The following MICAL2 variants were observed in gnomAD, a reference collection of about 807,000 sequenced individuals.
MICAL2 encodes the protein [F-actin]-monooxygenase MICAL2.
A neutral mutation model predicts 127.3 loss-of-function variants in MICAL2; 77 were observed. The observed-to-expected ratio is 0.60, with a 90% CI of 0.50 to 0.73. The LOEUF (loss-of-function observed/expected upper bound fraction) is 0.73. MICAL2 is among the 30% of genes least tolerant of loss of function. The pLI, the probability that MICAL2 is intolerant of heterozygous loss-of-function variation, is 0.00. For synonymous variants in MICAL2, 570 were observed against 551.1 expected (o/e 1.03, Z -0.48); for missense variants, 1,351 against 1,434.4 (o/e 0.94, Z 0.94).
At chr11:12,199,067 A>G (rs560866639) in intron 3 of MICAL2, among the ~76,000 whole-genome samples, 10 of 152,290 alleles carry the variant, frequency 6.6e-5, no homozygotes, top group African/African-American at 2.4e-4. Flanking sequence ...CTTTAGACCA[A>G]TAGTACCTGG....
At chr11:12,322,167 A>G (rs1350411846) in intron 30 of MICAL2, among the ~76,000 whole-genome samples, 1 of 152,174 alleles carries the variant, frequency 6.6e-6, no homozygotes, top group African/African-American at 2.4e-5. Flanking sequence ...GGCATATAGC[A>G]TTTGGTAAAT....
intron 33 of MICAL2, among the ~76,000 whole-genome samples, chr11:12,350,572 C>G (rs543898768): frequency 6.6e-6 from 1 of 152,188 alleles, no homozygotes; most frequent in South Asian, 2.1e-4. Context: ...TTGCCCCAAC[C>G]CCAGGAAGTA....
Position 12,162,173 on chromosome 11 carries a change from T to C in MICAL2, c.18T>C (p.Asp6=), listed in dbSNP as rs1433542576. 6.2e-7 allele frequency: 1 copy of C among 1,614,132 alleles called. No homozygotes were observed. Among genetic ancestry groups the C allele is most frequent in the East Asian group, 2.2e-5 (1 of 44,866 alleles). ...CCTGAACCATGGGGGAAAACGAGGA[T>C]GAGAAGCAGGCCCAGGCGGGGCAGG... MGENE[D]EKQAQAGQVF... The change falls in exon 3 of 28, where the codon GAT becomes GAC. Residue 6 remains aspartate, a synonymous_variant. Transcript: ENST00000683283.
chr11:12,174,596 T>G (rs901696961), intron 3 of MICAL2, among the ~76,000 whole-genome samples: 1 of 147,614 alleles, frequency 6.8e-6, no homozygotes, highest in Admixed American at 6.8e-5. Flanking sequence ...GGAACCCTTG[T>G]TTTTTTTTTT....
intron 21 of MICAL2, 53 bp from the exon 22 acceptor site, chr11:12,249,131 C>A: frequency 6.2e-7 from 1 of 1,608,296 alleles, no homozygotes; most frequent in Non-Finnish European, 8.5e-7. Context: ...GAAGAGAATT[C>A]GGAAAGAAAG....
Position 12,162,065 on chromosome 11 carries a change from C to T in MICAL2, c.-77-14C>T. ...TCGTCCAAAGCTGACCTCTGCCTCC[C>T]CCTACTTTCACAGGTGTGACGTTTC... On this transcript the variant is annotated splice_polypyrimidine_tract_variant and intron_variant, in intron 2 of 27. Coordinates refer to ENST00000683283, the MANE Select transcript of MICAL2 (RefSeq NM_001282663.2). 5 of 1,567,664 alleles carry T rather than the reference C, an allele frequency of 3.2e-6. No individual in the cohort carries two copies. Among genetic ancestry groups the T allele is most frequent in the South Asian group, 1.2e-5 (1 of 84,072 alleles).
intron 23 of MICAL2, chr11:12,256,566 G>A (rs567399629): frequency 1.1e-5 from 5 of 453,748 alleles, no homozygotes; most frequent in African/African-American, 1.0e-4. Context: ...GTTGTCTCGG[G>A]CCTGTCTGGG....
chr11:12,159,381 C>T (rs1854531401), intron 2 of MICAL2, among the ~76,000 whole-genome samples: 1 of 152,242 alleles, frequency 6.6e-6, no homozygotes, highest in Non-Finnish European at 1.5e-5. Context: ...TAAACTGGTA[C>T]ATTTCCCCAG....
At chr11:12,222,325 G>T (rs898049520) in intron 10 of MICAL2, among the ~76,000 whole-genome samples, 1 of 152,200 alleles carries the variant, frequency 6.6e-6, no homozygotes, top group African/African-American at 2.4e-5. Context: ...GGCTGAACAT[G>T]GTTATGGCAA....
intron 3 of MICAL2, among the ~76,000 whole-genome samples, chr11:12,168,375 CAT>C (rs1160420311): frequency 1.3e-5 from 2 of 151,600 alleles, no homozygotes; most frequent in African/African-American, 4.8e-5. Context: ...CATACACACA[CAT>C]ACTACACACA....
At chr11:12,247,386 T>C (rs563614569) in intron 21 of MICAL2, among the ~76,000 whole-genome samples, 1 of 152,314 alleles carries the variant, frequency 6.6e-6, no homozygotes, top group East Asian at 1.9e-4. Flanking sequence ...GATGATGTAA[T>C]TGGGCTATTT....
chr11:12,270,972 G>T (rs1863668273), intron 24 of MICAL2, among the ~76,000 whole-genome samples: 1 of 152,168 alleles, frequency 6.6e-6, no homozygotes, highest in East Asian at 1.9e-4. Context: ...CTGCGGCAGG[G>T]GTCTGGCCAG....
At chr11:12,283,462 C>T (rs1010692214) in intron 2 of MICAL2, among the ~76,000 whole-genome samples, 7 of 151,576 alleles carry the variant, frequency 4.6e-5, no homozygotes, top group Admixed American at 6.6e-5. Flanking sequence ...ATAAACAAAA[C>T]GCAGTATATC....
chr11:12,171,905 A>AT (rs1315556150), intron 3 of MICAL2, among the ~76,000 whole-genome samples: 1 of 152,354 alleles, frequency 6.6e-6, no homozygotes, highest in Non-Finnish European at 1.5e-5. Flanking sequence ...TATCCACACT[A>AT]TTTCAACATG....
intron 33 of MICAL2, among the ~76,000 whole-genome samples, chr11:12,351,545 G>A (rs546245286): frequency 6.6e-6 from 1 of 152,274 alleles, no homozygotes; most frequent in African/African-American, 2.4e-5. Context: ...TAGAACTATG[G>A]CAAGGCTTAT....
intron 29 of MICAL2, among the ~76,000 whole-genome samples, chr11:12,313,983 T>TTTTTTTTTA (rs1555020731): frequency 1.6e-5 from 2 of 127,558 alleles, no homozygotes; most frequent in Admixed American, 8.8e-5. Flanking sequence ...TTTTTTTTTT[T>TTTTTTTTTA]GATAGCTATA....
chr11:12,258,635 A>G, intron 25 of MICAL2, 79 bp downstream of exon 25: 2 of 1,339,590 alleles, frequency 1.5e-6, no homozygotes, highest in Non-Finnish European at 2.1e-6. Flanking sequence ...AAGTTAGGCC[A>G]GCTTTGCTGG....
chr11:12,222,433 C>G (rs1856934380), intron 10 of MICAL2, among the ~76,000 whole-genome samples, 184 bp from the exon 11 acceptor site: 1 of 152,202 alleles, frequency 6.6e-6, no homozygotes, highest in African/African-American at 2.4e-5. Context: ...TCCTCTCGGC[C>G]CCTTTGACCT....
intron 29 of MICAL2, chr11:12,319,658 A>C: frequency 7.0e-7 from 1 of 1,428,588 alleles, no homozygotes; most frequent in Non-Finnish European, 9.9e-7. Context: ...CAGGAAATGA[A>C]GCTAGCAGTT....
Sources: gnomAD v4.1 joint callset for allele counts (sites outside exome capture counted in the v4.1 genomes callset) on GRCh38, gnomAD v4.1.1 for gene constraint, MANE v1.5 for transcripts, NCBI Gene and HGNC (gene_info 2026-07-23, HGNC 2026-07-21) for gene names.